Variants in AAK1 observed in about 807,000 individuals in gnomAD.
AAK1 encodes the protein AP2-associated protein kinase 1.
AAK1 carries 37 observed loss-of-function variants against 116.0 expected under a neutral mutation model. The ratio of observed to expected loss-of-function variants is 0.32; its 90% CI spans 0.25 to 0.42. The LOEUF is 0.42. AAK1 is among the 10% of genes least tolerant of loss of function. AAK1 has a pLI of 1.00. For missense variants in AAK1, 919 were observed against 1,170.6 expected, an observed-to-expected ratio of 0.79 and a Z score of 3.14; for synonymous variants, 458 against 439.9, an observed-to-expected ratio of 1.04 and a Z score of -0.51.
chr2:69,468,627 C>A lies in AAK1; in HGVS notation c.*7242G>T. The A allele has an allele frequency of 1.0e-6, 1 of 985,364 alleles. No homozygotes were observed. The highest frequency in any genetic ancestry group is 1.2e-6 in the Non-Finnish European group (1 of 829,918). 61.0% of individuals were successfully genotyped at this position (985,364 alleles called of 1,614,324 possible). ...ATAATCCAATGAACACTAGTTTGAA[C>A]AGAGTCAGTGTTTTTTGGAAATTTA... On this transcript the variant is annotated 3_prime_UTR_variant, in exon 22 of 22. Transcript: ENST00000409085.
chr2:69,635,598 T>C (rs1396709161), intron 2 of AAK1, among the ~76,000 whole-genome samples: 1 of 152,242 alleles, frequency 6.6e-6, no homozygotes, highest in African/African-American at 2.4e-5. Flanking sequence ...GGCATATTCC[T>C]GAACCTTAAA....
intron 2 of AAK1, among the ~76,000 whole-genome samples, chr2:69,588,291 C>G (rs934953184): frequency 1.7e-4 from 26 of 152,202 alleles, no homozygotes; most frequent in African/African-American, 3.6e-4. Flanking sequence ...TCCTCCACCC[C>G]CTTCTTTCCT....
chr2:69,525,794 G>A (rs1669997180), intron 9 of AAK1, among the ~76,000 whole-genome samples: 1 of 152,186 alleles, frequency 6.6e-6, no homozygotes, highest in African/African-American at 2.4e-5. Context: ...GACTTGTGAG[G>A]TGTACTTTTA....
At chr2:69,641,810 T>C (rs1675736723) in intron 2 of AAK1, among the ~76,000 whole-genome samples, 1 of 152,190 alleles carries the variant, frequency 6.6e-6, no homozygotes, top group South Asian at 2.1e-4. Context: ...CTAATAAAAC[T>C]GTTCCCTACC....
At chr2:69,485,432 T>C (rs1345235661) in intron 17 of AAK1, among the ~76,000 whole-genome samples, 1 of 151,834 alleles carries the variant, frequency 6.6e-6, no homozygotes, top group Non-Finnish European at 1.5e-5. Flanking sequence ...TACTTGTCAC[T>C]CAATACTATC....
At chr2:69,517,231 T>C (rs866462502) in intron 12 of AAK1, among the ~76,000 whole-genome samples, 12 of 152,212 alleles carry the variant, frequency 7.9e-5, no homozygotes, top group African/African-American at 2.2e-4. Flanking sequence ...CAAGTGTTTT[T>C]CCTGCCTTTT....
chr2:69,495,425 C>T (rs1207690071), intron 17 of AAK1, among the ~76,000 whole-genome samples: 1 of 152,184 alleles, frequency 6.6e-6, no homozygotes, highest in Non-Finnish European at 1.5e-5. Context: ...GAACCAAGCC[C>T]AGAAGGTTTT....
rs370277743 is a variant in AAK1 at position 69,476,045 on chromosome 2, CAAACCAAAACCA to C, written c.2792-94_2792-83del. ...TGCAGAGCAAGCAAAGAAGAAAAAC[CAAACCAAAACCA>C]AAACCAAAACAAAAAAAAACCAAAA... On this transcript the variant is annotated intron_variant, in intron 21 of 21. Transcript: ENST00000409085. The C allele has an allele frequency of 3.2e-5, 47 of 1,464,308 alleles. No homozygotes were observed. In the African/African-American group the frequency reaches 5.3e-4, roughly 16 times the overall value. 90.7% of individuals were successfully genotyped at this position (1,464,308 alleles called of 1,614,324 possible).
In AAK1 at chr2:69,471,043, T is replaced by C. The variant is rs189303129; in HGVS notation, c.*4826A>G. 6.1e-6 allele frequency: 6 copies of C among 985,862 alleles called. No homozygotes were observed. In the East Asian group the frequency reaches 5.7e-4, roughly 93 times the overall value. The allele number at this position is 985,862 out of a possible 1,614,324, so 61.1% of individuals were successfully genotyped here. A position where few individuals can be genotyped will look rare whatever the true frequency, so the allele number is the denominator to read the frequency against. The stretch of plus-strand genomic sequence containing the variant: ...AATTTCACGTTTTTACTGCATAAGA[T>C]ATCTTCATGTACAACTGTATGCTTT... On this transcript the variant is annotated 3_prime_UTR_variant, in exon 22 of 22. Coordinates refer to ENST00000409085, the MANE Select transcript of AAK1 (RefSeq NM_014911.5).
intron 2 of AAK1, among the ~76,000 whole-genome samples, chr2:69,575,555 C>T (rs150630764): frequency 0.011 from 1,667 of 151,210 alleles, 34 homozygotes; most frequent in African/African-American, 0.038. Context: ...CTGCAACCTC[C>T]GCCCACTGGT....
chr2:69,538,776 G>A (rs1033210844), intron 5 of AAK1, among the ~76,000 whole-genome samples: 4 of 152,156 alleles, frequency 2.6e-5, no homozygotes, highest in Non-Finnish European at 5.9e-5. Flanking sequence ...CAGCTACTCG[G>A]GAGGCTGAGG....
At chr2:69,609,084 G>A (rs1051528895) in intron 2 of AAK1, among the ~76,000 whole-genome samples, 9 of 152,202 alleles carry the variant, frequency 5.9e-5, no homozygotes, top group African/African-American at 1.9e-4. Flanking sequence ...AAAATAGGCT[G>A]GGCACAGTGG....
At chr2:69,582,628 T>A (rs779587939) in intron 2 of AAK1, among the ~76,000 whole-genome samples, 4 of 152,136 alleles carry the variant, frequency 2.6e-5, no homozygotes, top group Non-Finnish European at 5.9e-5. Flanking sequence ...TTCAATATTC[T>A]ACAGAGAAAC....
rs370183464 is a variant in AAK1, at chr2:69,549,262, G to A, written c.283-4718C>T. On this transcript the variant is annotated intron_variant, in intron 3 of 21. Coordinates refer to ENST00000409085, the MANE Select transcript of AAK1 (RefSeq NM_014911.5). ...CATGCGCCTGTAGTCCCAGCTACTC[G>A]GGAGGCCGAGACAGGAGAATTGCTT... is the stretch of plus-strand genomic sequence containing the variant. 2.8e-3 allele frequency among the ~76,000 whole-genome samples: 431 copies of A among 152,262 alleles called. 1 individual carries two copies. The highest frequency in any genetic ancestry group is 1.0e-2 in the African/African-American group (414 of 41,558).
At chr2:69,601,081 T>C (rs1331107647) in intron 2 of AAK1, among the ~76,000 whole-genome samples, 2 of 152,264 alleles carry the variant, frequency 1.3e-5, no homozygotes, top group African/African-American at 4.8e-5. Context: ...GACTATAGTA[T>C]AGTGTAAACA....
Position 69,475,807 on chromosome 2 carries a change from C to T in AAK1, c.*62G>A, listed in dbSNP as rs944978459. On this transcript the variant is annotated 3_prime_UTR_variant, in exon 22 of 22. Transcript: ENST00000409085. ...AAAAAAATCATTTTTTTCATAACTC[C>T]GTAATGAAAATGTATTTTACGGTAT... 18 of 1,524,546 alleles carry T rather than the reference C, an allele frequency of 1.2e-5. No individual in the cohort carries two copies. The highest frequency in any genetic ancestry group is 1.7e-4 in the Middle Eastern group (1 of 5,842). 94.4% of individuals were successfully genotyped at this position (1,524,546 alleles called of 1,614,324 possible). A position where few individuals can be genotyped will look rare whatever the true frequency, so the allele number is the denominator to read the frequency against.
chr2:69,566,460 T>C (rs1472548387), intron 2 of AAK1, among the ~76,000 whole-genome samples: 1 of 152,070 alleles, frequency 6.6e-6, no homozygotes, highest in Non-Finnish European at 1.5e-5. Context: ...GGGGGATGAC[T>C]TGAGGTTTTC....
intron 18 of AAK1, 80 bp downstream of exon 18, chr2:69,482,631 T>C (rs1675137272): frequency 3.5e-6 from 4 of 1,150,384 alleles, no homozygotes; most frequent in Non-Finnish European, 3.9e-6. Context: ...TCCCCAGGGA[T>C]TGGTTAACTA....
intron 14 of AAK1, among the ~76,000 whole-genome samples, chr2:69,508,662 C>A (rs982173879): frequency 1.3e-5 from 2 of 152,188 alleles, no homozygotes; most frequent in Non-Finnish European, 2.9e-5. Flanking sequence ...AATTATACAT[C>A]ATATCAGAGG....
Sources: gnomAD v4.1 joint callset for allele counts (sites outside exome capture counted in the v4.1 genomes callset) on GRCh38, gnomAD v4.1.1 for gene constraint, MANE v1.5 for transcripts, NCBI Gene and HGNC (gene_info 2026-07-23, HGNC 2026-07-21) for gene names.